Variants in SORCS3 observed in about 807,000 individuals in gnomAD.
SORCS3 encodes the protein sortilin related VPS10 domain containing receptor 3, also known as VPS10 domain-containing receptor SorCS3.
Under a neutral mutation model 146.3 loss-of-function variants are expected in SORCS3, and 57 were observed. The ratio of observed to expected loss-of-function variants is 0.39; its 90% CI spans 0.31 to 0.49. SORCS3 has a LOEUF of 0.49. Ranked by LOEUF, SORCS3 falls within the 20% of genes least tolerant of loss-of-function variation. The pLI is 0.92. For missense variants in SORCS3, 1,341 were observed against 1,575.5 expected (o/e 0.85, Z 2.52); for synonymous variants, 653 against 618.5 (o/e 1.06, Z -0.83).
intron 7 of SORCS3, among the ~76,000 whole-genome samples, chr10:105,137,384 A>C (rs2056066129): frequency 6.6e-6 from 1 of 152,240 alleles, no homozygotes; most frequent in African/African-American, 2.4e-5. Context: ...GGGTGATGAA[A>C]ATGTTTTAGA....
rs75832198 is a variant in SORCS3 at position 105,043,043 on chromosome 10, A to G, written c.955-12A>G. 2.7e-5 allele frequency: 44 copies of G among 1,613,026 alleles called. No individual in the cohort carries two copies. The East Asian group carries it at 9.4e-4, about 34-fold the overall frequency. Reference sequence around the variant, plus strand: ...TCCTTGAGACTTACATTCTCACTTCATTGTTTTGCAGCTCTACAGCTCCAT... The same window carrying G: ...TCCTTGAGACTTACATTCTCACTTCGTTGTTTTGCAGCTCTACAGCTCCAT... On this transcript the variant is annotated splice_polypyrimidine_tract_variant and intron_variant, in intron 4 of 26. Coordinates refer to ENST00000369701, the MANE Select transcript of SORCS3 (RefSeq NM_014978.3).
At chr10:105,036,354 G>A (rs569805099) in intron 4 of SORCS3, among the ~76,000 whole-genome samples, 1 of 152,268 alleles carries the variant, frequency 6.6e-6, no homozygotes, top group Admixed American at 6.5e-5. Flanking sequence ...CTGTTGATGT[G>A]TGTTTCTTCC....
intron 3 of SORCS3, among the ~76,000 whole-genome samples, chr10:104,918,837 T>C (rs536004658): frequency 1.3e-5 from 2 of 152,370 alleles, no homozygotes; most frequent in East Asian, 3.9e-4. Flanking sequence ...TATTTTCATG[T>C]AGATGATTGA....
intron 1 of SORCS3, among the ~76,000 whole-genome samples, chr10:104,734,440 G>A (rs565263897): frequency 1.1e-4 from 16 of 152,354 alleles, no homozygotes; most frequent in African/African-American, 3.8e-4. Context: ...TTGGCTGAGA[G>A]AGGACCTTAG....
At chr10:104,669,952 A>G (rs561920103) in intron 1 of SORCS3, among the ~76,000 whole-genome samples, 11 of 151,526 alleles carry the variant, frequency 7.3e-5, no homozygotes, top group African/African-American at 2.7e-4. Context: ...TGTAGTTTTT[A>G]TTTTTATTTC....
intron 9 of SORCS3, among the ~76,000 whole-genome samples, chr10:105,155,336 C>T (rs1348285324): frequency 6.6e-6 from 1 of 152,134 alleles, no homozygotes; most frequent in African/African-American, 2.4e-5. Context: ...AAAACTGAAC[C>T]GGGGTCAAGG....
chr10:104,831,573 A>G (rs752700933), intron 1 of SORCS3, among the ~76,000 whole-genome samples: 3 of 152,314 alleles, frequency 2.0e-5, no homozygotes, highest in Non-Finnish European at 4.4e-5. Context: ...AATCCTCATG[A>G]CAGACAGCAA....
At chr10:105,253,027 T>C in intron 23 of SORCS3, 121 bp downstream of exon 23, 1 of 1,171,500 alleles carries the variant, frequency 8.5e-7, no homozygotes, top group Non-Finnish European at 1.2e-6. Context: ...AGCCAAGGTT[T>C]TGAAGAGCAA....
At chr10:104,748,877 G>A (rs551419226) in intron 1 of SORCS3, among the ~76,000 whole-genome samples, 77 of 152,186 alleles carry the variant, frequency 5.1e-4, no homozygotes, top group African/African-American at 1.7e-3. Context: ...GAATTCTTTA[G>A]ATTCTCCTTC....
intron 1 of SORCS3, among the ~76,000 whole-genome samples, chr10:104,811,609 A>G (rs981691493): frequency 2.6e-5 from 4 of 152,180 alleles, no homozygotes; most frequent in African/African-American, 9.7e-5. Context: ...AAGGGACTGG[A>G]ATTTAGGATA....
At position 105,264,525 on chromosome 10, in the gene SORCS3, G is replaced by T. The variant is rs1247743355; in HGVS notation, c.*1151G>T. 6.6e-6 allele frequency: 1 copy of T among 152,462 alleles called. No individual in the cohort carries two copies. Among genetic ancestry groups the T allele is most frequent in the Non-Finnish European group, 1.5e-5 (1 of 68,032 alleles). The allele number at this position is 152,462 out of a possible 1,614,324, so 9.4% of individuals were successfully genotyped here. A position where few individuals can be genotyped will look rare whatever the true frequency, so the allele number is the denominator to read the frequency against. On this transcript the variant is annotated 3_prime_UTR_variant, in exon 27 of 27. Transcript: ENST00000369701. Reference sequence around the variant, plus strand: ...TCTTGGCATGGGAGGAGTTAAAGAGGTTGGAAGGGAAGAGGCATTTGTGGA... The same window carrying T: ...TCTTGGCATGGGAGGAGTTAAAGAGTTTGGAAGGGAAGAGGCATTTGTGGA...
intron 1 of SORCS3, among the ~76,000 whole-genome samples, chr10:104,691,060 C>A (rs1005505498): frequency 1.3e-5 from 2 of 152,160 alleles, no homozygotes; most frequent in African/African-American, 4.8e-5. Context: ...TTGCCAGCAC[C>A]CGTGGGCAGC....
chr10:104,982,179 A>G (rs1241707785), intron 4 of SORCS3, among the ~76,000 whole-genome samples: 1 of 152,176 alleles, frequency 6.6e-6, no homozygotes, highest in Non-Finnish European at 1.5e-5. Flanking sequence ...CTGGCAACAC[A>G]GGACCCAGTA....
chr10:105,004,838 C>T (rs1462814057), intron 4 of SORCS3, among the ~76,000 whole-genome samples: 6 of 151,696 alleles, frequency 4.0e-5, no homozygotes, highest in Admixed American at 2.0e-4. Context: ...GGGAGTGCAT[C>T]GAGAATGCAA....
At chr10:104,749,681 A>G (rs775118959) in intron 1 of SORCS3, among the ~76,000 whole-genome samples, 4 of 152,222 alleles carry the variant, frequency 2.6e-5, no homozygotes, top group Non-Finnish European at 4.4e-5. Flanking sequence ...CACCACTAGT[A>G]TGAACTGAAC....
chr10:105,034,983 A>C (rs2055296278), intron 4 of SORCS3, among the ~76,000 whole-genome samples: 1 of 152,168 alleles, frequency 6.6e-6, no homozygotes, highest in Non-Finnish European at 1.5e-5. Context: ...CACAAAACAC[A>C]CTTGAGACAA....
intron 2 of SORCS3, 33 bp downstream of exon 2, chr10:104,842,892 CTG>C (rs780283403): frequency 1.1e-4 from 179 of 1,566,904 alleles, no homozygotes; most frequent in Non-Finnish European, 1.5e-4. Flanking sequence ...AGGAGCCACC[CTG>C]GCTTGGCTCA....
At chr10:105,217,412 T>C (rs1406664089) in intron 19 of SORCS3, among the ~76,000 whole-genome samples, 1 of 152,240 alleles carries the variant, frequency 6.6e-6, no homozygotes, top group Non-Finnish European at 1.5e-5. Flanking sequence ...AAGTCTCCTC[T>C]CTTCCTTTTG....
At chr10:105,077,705 T>G (rs2055597884) in intron 5 of SORCS3, among the ~76,000 whole-genome samples, 1 of 152,204 alleles carries the variant, frequency 6.6e-6, no homozygotes, top group African/African-American at 2.4e-5. Context: ...CAGCTTAAGA[T>G]ATCCAAGACT....
Sources: gnomAD v4.1 joint callset for allele counts (sites outside exome capture counted in the v4.1 genomes callset) on GRCh38, gnomAD v4.1.1 for gene constraint, MANE v1.5 for transcripts, NCBI Gene and HGNC (gene_info 2026-07-23, HGNC 2026-07-21) for gene names.